The following SLC6A19 variants were observed in gnomAD, a reference collection of about 807,000 sequenced individuals.
SLC6A19 encodes solute carrier family 6 member 19.
In SLC6A19, 67 loss-of-function variants were observed where a neutral mutation model predicts 68.3. That is an observed-to-expected ratio of 0.98 (90% CI 0.81 to 1.20). The LOEUF is 1.20. Among genes scored for constraint, SLC6A19 ranks in the 50% most tolerant of loss-of-function variants. The pLI is 0.00. For synonymous variants in SLC6A19, 392 were observed against 374.9 expected (o/e 1.05, Z -0.53); for missense variants, 813 against 851.6 (o/e 0.95, Z 0.56).
At chr5:1,211,493 A>G (rs1169684102) in intron 3 of SLC6A19, among the ~76,000 whole-genome samples, 2 of 152,210 alleles carry the variant, frequency 1.3e-5, no homozygotes, top group East Asian at 3.9e-4. Flanking sequence ...GGTGCACCTG[A>G]CTGTTGGGGC....
chr5:1,218,446 C>T (rs994157798), intron 8 of SLC6A19, among the ~76,000 whole-genome samples: 4 of 152,214 alleles, frequency 2.6e-5, no homozygotes, highest in African/African-American at 7.2e-5. Context: ...AGAAGGCGTC[C>T]GGGTGGTTGC....
chr5:1,218,781 C>T, intron 8 of SLC6A19, 122 bp from the exon 9 acceptor site: 1 of 946,824 alleles, frequency 1.1e-6, no homozygotes, highest in Non-Finnish European at 1.6e-6. Context: ...CTAGCTATTT[C>T]ATGACAGCTC....
intron 10 of SLC6A19, among the ~76,000 whole-genome samples, chr5:1,220,016 A>G (rs981169421): frequency 1.1e-4 from 16 of 151,854 alleles, no homozygotes; most frequent in African/African-American, 3.9e-4. Context: ...GGAGTGCCTT[A>G]TTTCCCTGAT....
Position 1,213,948 on chromosome 5 carries a change from C to T in SLC6A19, c.775-5C>T, listed in dbSNP as rs149379208. 3,323 of 1,612,836 alleles carry T rather than the reference C, an allele frequency of 2.1e-3. 8 individuals carry two copies. Among genetic ancestry groups the T allele is most frequent in the Admixed American group, 5.0e-3 (300 of 60,034 alleles). ...TGAGTGGCTGAGGGTCTCCATGTGGCGCAGGTCACGGAGCTGGCCCAGCCG... is the reference window on the plus strand; with the variant it reads ...TGAGTGGCTGAGGGTCTCCATGTGGTGCAGGTCACGGAGCTGGCCCAGCCG... On this transcript the variant is annotated splice_polypyrimidine_tract_variant and splice_region_variant and intron_variant, in intron 5 of 11. Coordinates refer to ENST00000304460, the MANE Select transcript of SLC6A19 (RefSeq NM_001003841.3).
In SLC6A19 at chr5:1,215,120, G is replaced by A. The variant is rs1351788806; in HGVS notation, c.887+1055G>A. 1.3e-5 allele frequency among the ~76,000 whole-genome samples: 2 copies of A among 152,032 alleles called. No individual in the cohort carries two copies. On this transcript the variant is annotated intron_variant, in intron 6 of 11. Transcript: ENST00000304460. The surrounding 1 kb of genome is among the most constrained non-coding windows in gnomAD (Gnocchi z 5.1). ...CTCAGGAGCTCCCCTGGGTGCTGAGGGCAGGTGCTAGGAGGACCCCTGGGC... is the reference window on the plus strand; with the variant it reads ...CTCAGGAGCTCCCCTGGGTGCTGAGAGCAGGTGCTAGGAGGACCCCTGGGC...
In SLC6A19 at chr5:1,213,482, C is replaced by T. The variant is rs762412163; in HGVS notation, c.683C>T (p.Thr228Met). 87 of 1,605,792 alleles carry T rather than the reference C, an allele frequency of 5.4e-5. 1 individual carries two copies. The Admixed American group carries it at 1.2e-3, about 22-fold the overall frequency. The change falls in exon 5 of 12, where the codon ACG becomes ATG. Residue 228 changes from threonine to methionine, a missense_variant. Physicochemically the swap from Thr to Met is moderately conservative, Grantham distance 81. Transcript: ENST00000304460. ...TTGKAVYITS[T>M]LPYVVLTIFL... The stretch of plus-strand genomic sequence containing the variant: ...CCGCAGGCCGTGTACATCACCTCCA[C>T]GCTGCCCTATGTCGTCCTGACCATC...
chr5:1,219,652 A>G lies in SLC6A19; in HGVS notation c.1526A>G (p.Tyr509Cys). The G allele has an allele frequency of 6.2e-7, 1 of 1,605,554 alleles. No homozygotes were observed. The highest frequency in any genetic ancestry group is 2.2e-5 in the East Asian group (1 of 44,874). The part of the protein sequence containing the change: ...FCEMFSVVYV[Y>C]GVDRFNKDIE... ...GAGATGTTCTCTGTGGTCTACGTGT[A>G]CGGTGTGGACAGGTAGGGGCCACGG... Residue 509 changes from tyrosine to cysteine, a missense_variant, in exon 10 of 12, where the codon TAC becomes TGC. Transcript: ENST00000304460.
chr5:1,209,565 C>T lies in SLC6A19; in HGVS notation c.343+679C>T, dbSNP rs939422887. The stretch of plus-strand genomic sequence containing the variant: ...GAGCCCACACCCTCTCGCTGAGTAT[C>T]CAAGACCTCCCTCCTCCCTCTCTCT... On this transcript the variant is annotated intron_variant, in intron 2 of 11. Coordinates refer to ENST00000304460, the MANE Select transcript of SLC6A19 (RefSeq NM_001003841.3). The surrounding 1 kb of genome is among the most constrained non-coding windows in gnomAD (Gnocchi z 5.5). Among the ~76,000 whole-genome samples the T allele has an allele frequency of 6.6e-6, 1 of 152,044 alleles. No individual in the cohort carries two copies. The highest frequency in any genetic ancestry group is 6.5e-5 in the Admixed American group (1 of 15,276).
rs778016026 is a variant in SLC6A19, at chr5:1,218,966, T to TC, written c.1241dup (p.Leu415ThrfsTer102). Reference sequence around the variant, plus strand: ...CGAGGCCATCACCAAGATGCCGTTGTCCCCACTGTGGTCTGTGCTCTTCTT... The same window carrying TC: ...CGAGGCCATCACCAAGATGCCGTTGTCCCCCACTGTGGTCTGTGCTCTTCTT... On this transcript the variant is annotated frameshift_variant, in exon 9 of 12. Coordinates refer to ENST00000304460, the MANE Select transcript of SLC6A19 (RefSeq NM_001003841.3). LOFTEE classifies it high-confidence loss of function. 6.2e-7 allele frequency: 1 copy of TC among 1,614,080 alleles called. No individual in the cohort carries two copies.
chr5:1,220,026 TGCTCCAG>T (rs1746327764), intron 10 of SLC6A19, among the ~76,000 whole-genome samples: 1 of 152,124 alleles, frequency 6.6e-6, no homozygotes, highest in Non-Finnish European at 1.5e-5. Flanking sequence ...ATTTCCCTGA[TGCTCCAG>T]GCCTTTTTAG....
At position 1,212,883 on chromosome 5, in the gene SLC6A19, G is replaced by A. The variant is rs1746083099; in HGVS notation, c.663+399G>A. ...ATGGGAATCTTTGGTACGAGGTCCA[G>A]AGCGGCCATCCCTTTCTTCTGGTGG... On this transcript the variant is annotated intron_variant, in intron 4 of 11. Transcript: ENST00000304460. This position sits in a 1 kb window ranked among gnomAD's most constrained non-coding sequence, Gnocchi z 5.1. Among the ~76,000 whole-genome samples, 1 of 152,072 alleles carries A rather than the reference G, an allele frequency of 6.6e-6. No individual in the cohort carries two copies. Among genetic ancestry groups the A allele is most frequent in the Admixed American group, 6.5e-5 (1 of 15,276 alleles).
At chr5:1,208,485 C>T (rs893488155) in intron 1 of SLC6A19, among the ~76,000 whole-genome samples, 8 of 152,156 alleles carry the variant, frequency 5.3e-5, no homozygotes, top group South Asian at 4.1e-4. Flanking sequence ...CCTCCCTTAA[C>T]GACAGCAACG....
In SLC6A19 at chr5:1,222,005, G is replaced by T; in HGVS notation, c.*101G>T. On this transcript the variant is annotated 3_prime_UTR_variant, in exon 12 of 12. Coordinates refer to ENST00000304460, the MANE Select transcript of SLC6A19 (RefSeq NM_001003841.3). ...GGGCTGCACCTGCATGTGTGTAAGC[G>T]TGAGTGTATGCTCGTGTGTGAGTGT... 7.8e-7 allele frequency: 1 copy of T among 1,278,776 alleles called. No homozygotes were observed. The highest frequency in any genetic ancestry group is 1.3e-5 in the South Asian group (1 of 74,618). 79.2% of individuals were successfully genotyped at this position (1,278,776 alleles called of 1,614,324 possible). A position where few individuals can be genotyped will look rare whatever the true frequency, so the allele number is the denominator to read the frequency against.
intron 4 of SLC6A19, among the ~76,000 whole-genome samples, chr5:1,213,039 C>A (rs1227027333): frequency 7.1e-6 from 1 of 141,468 alleles, no homozygotes; most frequent in East Asian, 2.3e-4. Context: ...CCCACCCATT[C>A]CACATACCCA....
rs900759798 is a variant in SLC6A19 at position 1,224,222 on chromosome 5, G to A, written c.*2318G>A. On this transcript the variant is annotated 3_prime_UTR_variant, in exon 12 of 12. Transcript: ENST00000304460. Reference sequence around the variant, plus strand: ...CTGGCATCCATTGGTGTACCCTGGTGTGCCTGCCATAGGACCCTGGGCGGG... The same window carrying A: ...CTGGCATCCATTGGTGTACCCTGGTATGCCTGCCATAGGACCCTGGGCGGG... 1.2e-4 allele frequency: 19 copies of A among 152,418 alleles called. No homozygotes were observed. Among genetic ancestry groups the A allele is most frequent in the Middle Eastern group, 3.4e-3 (1 of 294 alleles). 9.4% of individuals were successfully genotyped at this position (152,418 alleles called of 1,614,324 possible).
chr5:1,222,220 GT>G lies in SLC6A19; in HGVS notation c.*317del, dbSNP rs1191741718. ...GTGCATGTACATGTATGGACATTGT[GT>G]GAGTGTGCAAGTGTGCATGCATATA... On this transcript the variant is annotated 3_prime_UTR_variant, in exon 12 of 12. Transcript: ENST00000304460. 10 of 586,778 alleles carry G rather than the reference GT, an allele frequency of 1.7e-5. No homozygotes were observed. The highest frequency in any genetic ancestry group is 3.0e-6 in the Non-Finnish European group (1 of 330,092). The allele number at this position is 586,778 out of a possible 1,614,324, so 36.3% of individuals were successfully genotyped here. A position where few individuals can be genotyped will look rare whatever the true frequency, so the allele number is the denominator to read the frequency against.
In SLC6A19 at chr5:1,209,738, C is replaced by T. The variant is rs1239167265; in HGVS notation, c.344-706C>T. 6.6e-6 allele frequency among the ~76,000 whole-genome samples: 1 copy of T among 151,164 alleles called. No homozygotes were observed. The highest frequency in any genetic ancestry group is 2.4e-5 in the African/African-American group (1 of 41,074). ...TCTCTGTCTTTTTTTCTTTCCCCCT[C>T]CTATTCTCTCTGTCTCTTCCCTCTT... On this transcript the variant is annotated intron_variant, in intron 2 of 11. Transcript: ENST00000304460. The surrounding 1 kb of genome is among the most constrained non-coding windows in gnomAD (Gnocchi z 5.5).
chr5:1,221,011 G>C lies in SLC6A19; in HGVS notation c.1539-140G>C, dbSNP rs1245759883. The stretch of plus-strand genomic sequence containing the variant: ...TGCTTGAGGAGGCACCCATGACCAG[G>C]AGGGAGGGATCGGGCCCTGGCAAGG... On this transcript the variant is annotated intron_variant, in intron 10 of 11. Transcript: ENST00000304460. 25 of 1,032,810 alleles carry C rather than the reference G, an allele frequency of 2.4e-5. No homozygotes were observed. The African/African-American group carries it at 3.8e-4, about 16-fold the overall frequency. 64.0% of individuals were successfully genotyped at this position (1,032,810 alleles called of 1,614,324 possible).
At chr5:1,216,458 C>T (rs912224308) in intron 6 of SLC6A19, 100 bp from the exon 7 acceptor site, 174 of 1,570,942 alleles carry the variant, frequency 1.1e-4, no homozygotes, top group Non-Finnish European at 1.4e-4. Flanking sequence ...GCCTCTCACT[C>T]CTGGGGCTGG....
Sources: gnomAD v4.1 joint callset for allele counts (sites outside exome capture counted in the v4.1 genomes callset) on GRCh38, gnomAD v4.1.1 for gene constraint, Gnocchi (gnomAD v3.1) non-coding constraint, MANE v1.5 for transcripts, NCBI Gene and HGNC (gene_info 2026-07-23, HGNC 2026-07-21) for gene names.